MGAT4C: variants seen among roughly 807,000 people sequenced by gnomAD.
MGAT4C encodes the protein MGAT4 family member C.
A neutral mutation model predicts 40.1 loss-of-function variants in MGAT4C; 19 were observed. The ratio of observed to expected loss-of-function variants is 0.47; its 90% confidence interval spans 0.33 to 0.70. The LOEUF (loss-of-function observed/expected upper bound fraction) is 0.70. MGAT4C is among the 30% of genes least tolerant of loss of function. MGAT4C has a pLI of 0.02. For synonymous variants in MGAT4C, 181 were observed against 187.1 expected (o/e 0.97, Z 0.27); for missense variants, 491 against 563.2 (o/e 0.87, Z 1.30).
In MGAT4C at chr12:86,439,627, G is replaced by A. The variant is rs185887686; in HGVS notation, c.-228-4362C>T. On this transcript the variant is annotated intron_variant, in intron 2 of 7. Transcript: ENST00000548651. ...GCAGAAGATAAACAACAACAACAAA[G>A]ATCAGAGCAGAACTAAGTGAATTTG... Among the ~76,000 whole-genome samples, 8 of 151,888 alleles carry A rather than the reference G, an allele frequency of 5.3e-5. No individual in the cohort carries two copies. The East Asian group carries it at 1.4e-3, about 26-fold the overall frequency.
chr12:86,012,429 A>C (rs1888552828), intron 2 of MGAT4C, among the ~76,000 whole-genome samples: 1 of 152,220 alleles, frequency 6.6e-6, no homozygotes, highest in African/African-American at 2.4e-5. Context: ...TTGGGAACAG[A>C]ATCATATGCT....
At chr12:86,212,456 G>A (rs1280029539) in intron 1 of MGAT4C, among the ~76,000 whole-genome samples, 4 of 152,016 alleles carry the variant, frequency 2.6e-5, no homozygotes, top group Non-Finnish European at 4.4e-5. Flanking sequence ...TAAAAATGGA[G>A]GCAGCAGAAA....
chr12:86,114,216 C>T (rs540997745), intron 1 of MGAT4C, among the ~76,000 whole-genome samples: 1 of 151,862 alleles, frequency 6.6e-6, no homozygotes, highest in South Asian at 2.1e-4. Flanking sequence ...TCACGTTCTG[C>T]TCTGGCTTCT....
intron 2 of MGAT4C, among the ~76,000 whole-genome samples, chr12:86,712,777 A>G (rs1249291699): frequency 1.3e-5 from 2 of 152,106 alleles, no homozygotes; most frequent in Non-Finnish European, 2.9e-5. Context: ...GAGTTCACAC[A>G]TAAAAGGTAG....
intron 2 of MGAT4C, among the ~76,000 whole-genome samples, chr12:86,585,965 T>C (rs1031773934): frequency 1.3e-5 from 2 of 151,208 alleles, no homozygotes; most frequent in African/African-American, 4.9e-5. Flanking sequence ...TTATTATTAT[T>C]ATACTTTAAG....
At chr12:86,608,474 A>C (rs1227584199) in intron 2 of MGAT4C, among the ~76,000 whole-genome samples, 3 of 152,064 alleles carry the variant, frequency 2.0e-5, no homozygotes, top group Non-Finnish European at 4.4e-5. Flanking sequence ...ACCTCTTAGG[A>C]GGCTGATTTG....
intron 3 of MGAT4C, among the ~76,000 whole-genome samples, chr12:86,387,681 A>T (rs1956079646): frequency 6.6e-6 from 1 of 152,096 alleles, no homozygotes; most frequent in Admixed American, 6.6e-5. Context: ...AAGTTAATGG[A>T]TTCAATAACA....
intron 1 of MGAT4C, among the ~76,000 whole-genome samples, chr12:86,733,870 G>C (rs1027222992): frequency 1.3e-5 from 2 of 152,010 alleles, no homozygotes; most frequent in Admixed American, 6.6e-5. Flanking sequence ...GTAATTAGAA[G>C]ACAATTCTGT....
At chr12:86,582,436 T>C (rs1286446956) in intron 2 of MGAT4C, among the ~76,000 whole-genome samples, 1 of 151,292 alleles carries the variant, frequency 6.6e-6, no homozygotes, top group Non-Finnish European at 1.5e-5. Context: ...AGAGCCAATT[T>C]GTTTGCTTGA....
chr12:86,241,611 A>G (rs1201185750), intron 1 of MGAT4C, among the ~76,000 whole-genome samples: 1 of 152,212 alleles, frequency 6.6e-6, no homozygotes, highest in Non-Finnish European at 1.5e-5. Context: ...TTGAAAGTCT[A>G]GAAGGAGCAG....
intron 2 of MGAT4C, among the ~76,000 whole-genome samples, chr12:86,663,270 G>T (rs920631660): frequency 6.7e-6 from 1 of 148,186 alleles, no homozygotes; most frequent in African/African-American, 2.6e-5. Flanking sequence ...TGAGGTGGGA[G>T]GATTACCTGA....
At chr12:86,391,064 G>C (rs888412176) in intron 3 of MGAT4C, among the ~76,000 whole-genome samples, 2 of 152,150 alleles carry the variant, frequency 1.3e-5, no homozygotes, top group Non-Finnish European at 2.9e-5. Context: ...CATTTTGTGG[G>C]AGGAGGCATT....
At chr12:86,009,485 C>T (rs1158279531) in intron 2 of MGAT4C, among the ~76,000 whole-genome samples, 1 of 152,118 alleles carries the variant, frequency 6.6e-6, no homozygotes, top group Admixed American at 6.5e-5. Context: ...AGCTATGTCT[C>T]TTCAACTCAG....
chr12:86,682,571 C>T (rs1300588991), intron 2 of MGAT4C, among the ~76,000 whole-genome samples: 1 of 152,010 alleles, frequency 6.6e-6, no homozygotes, highest in Non-Finnish European at 1.5e-5. Flanking sequence ...CTTTAATTTT[C>T]ATCAACTACC....
intron 1 of MGAT4C, among the ~76,000 whole-genome samples, chr12:86,093,289 G>T (rs939274317): frequency 2.6e-5 from 4 of 152,006 alleles, no homozygotes. Context: ...TACAGCTAAA[G>T]TTCTCATATT....
chr12:86,298,219 G>A (rs1373840120), intron 4 of MGAT4C, among the ~76,000 whole-genome samples: 1 of 151,946 alleles, frequency 6.6e-6, no homozygotes, highest in African/African-American at 2.4e-5. Flanking sequence ...GCAATTCACA[G>A]CAGTAAAAAT....
chr12:86,612,816 C>CT (rs1451351351), intron 2 of MGAT4C, among the ~76,000 whole-genome samples: 2 of 148,508 alleles, frequency 1.3e-5, no homozygotes, highest in Non-Finnish European at 3.0e-5. Flanking sequence ...AGAAAGAAAA[C>CT]TTTCATTGTA....
chr12:86,730,985 A>G (rs1950898529), intron 1 of MGAT4C, among the ~76,000 whole-genome samples: 1 of 152,116 alleles, frequency 6.6e-6, no homozygotes, highest in Non-Finnish European at 1.5e-5. Context: ...GGTCACAGAG[A>G]GACAGTAATT....
intron 2 of MGAT4C, among the ~76,000 whole-genome samples, chr12:86,626,935 G>A (rs553507895): frequency 4.3e-4 from 65 of 152,352 alleles, no homozygotes; most frequent in African/African-American, 1.5e-3. Context: ...CCTGGGAAGT[G>A]CAAGGGGTTG....
Sources: allele counts gnomAD v4.1 joint callset (sites outside exome capture counted in the v4.1 genomes callset), GRCh38; gene constraint gnomAD v4.1.1; transcripts MANE v1.5; gene names NCBI Gene and HGNC (gene_info 2026-07-23, HGNC 2026-07-21).